Variants in EPHA3 observed in about 807,000 individuals in gnomAD.
EPHA3 encodes ephrin type-A receptor 3.
Under a neutral mutation model 107.1 loss-of-function variants are expected in EPHA3, and 42 were observed. The ratio of observed to expected loss-of-function variants is 0.39; its 90% CI spans 0.31 to 0.51. The LOEUF (loss-of-function observed/expected upper bound fraction) is 0.51. EPHA3 is among the 20% of genes least tolerant of loss of function. The pLI, the probability that EPHA3 is intolerant of heterozygous loss-of-function variation, is 0.78. For synonymous variants in EPHA3, 461 were observed against 424.8 expected (o/e 1.09, Z -1.05); for missense variants, 1,183 against 1,211.2 (o/e 0.98, Z 0.35).
intron 3 of EPHA3, among the ~76,000 whole-genome samples, chr3:89,220,436 C>T (rs1446901488): frequency 2.0e-5 from 3 of 152,036 alleles, no homozygotes; most frequent in Non-Finnish European, 4.4e-5. Context: ...AGAAAGATTT[C>T]AGGAATAGTG....
intron 5 of EPHA3, among the ~76,000 whole-genome samples, chr3:89,368,164 G>C (rs1708220143): frequency 6.6e-6 from 1 of 150,458 alleles, no homozygotes; most frequent in Non-Finnish European, 1.5e-5. Flanking sequence ...TAAAGTGTGT[G>C]CTGTTGGTAG....
chr3:89,376,354 T>C (rs1360627706), intron 5 of EPHA3, among the ~76,000 whole-genome samples: 5 of 151,424 alleles, frequency 3.3e-5, no homozygotes, highest in East Asian at 3.9e-4. Context: ...TATATATATA[T>C]ACACACAACT....
chr3:89,434,458 T>A (rs1288939333), intron 13 of EPHA3, among the ~76,000 whole-genome samples: 1 of 152,182 alleles, frequency 6.6e-6, no homozygotes, highest in Non-Finnish European at 1.5e-5. Flanking sequence ...TCTCAGGTGA[T>A]CCACCTGCCT....
intron 15 of EPHA3, among the ~76,000 whole-genome samples, chr3:89,468,416 A>G (rs771037902): frequency 2.2e-4 from 33 of 152,200 alleles, no homozygotes; most frequent in Non-Finnish European, 4.0e-4. Context: ...GTGTAAAAGT[A>G]CAAACTATTC....
At chr3:89,319,251 G>A (rs938205367) in intron 3 of EPHA3, among the ~76,000 whole-genome samples, 7 of 151,870 alleles carry the variant, frequency 4.6e-5, no homozygotes, top group Non-Finnish European at 8.8e-5. Context: ...AGAGAAGTAG[G>A]AGCAGAGACT....
chr3:89,107,702 A>T lies in EPHA3; in HGVS notation c.-47A>T. 4 of 1,549,186 alleles carry T rather than the reference A, an allele frequency of 2.6e-6. No individual in the cohort carries two copies. The highest frequency in any genetic ancestry group is 1.7e-4 in the Middle Eastern group (1 of 5,950). On this transcript the variant is annotated 5_prime_UTR_variant, in exon 1 of 17. An upstream start codon of the reference 5' UTR is lost. Transcript: ENST00000336596. Reference sequence around the variant, plus strand: ...GAGCGCTCCCCCTCACATCAGTGGCATGCTTCATGGAGATATGCTCCTCTC... The same window carrying T: ...GAGCGCTCCCCCTCACATCAGTGGCTTGCTTCATGGAGATATGCTCCTCTC...
In EPHA3 at chr3:89,449,369, C is replaced by G. The variant is rs749114470; in HGVS notation, c.2491C>G (p.Gln831Glu). 4.4e-6 allele frequency: 7 copies of G among 1,587,740 alleles called. No homozygotes were observed. The South Asian group carries it at 8.0e-5, about 18-fold the overall frequency. Residue 831 changes from glutamine (Q) to glutamate (E), a missense_variant, in exon 14 of 17, where the codon CAG becomes GAG. Coordinates refer to ENST00000336596, the MANE Select transcript of EPHA3 (RefSeq NM_005233.6). ...GAGACCATACTGGGAGATGTCCAAT[C>G]AGGATGTAAGTATTTGTGGTCTATG... is the stretch of plus-strand genomic sequence containing the variant. Reference protein sequence around the residue: ...GERPYWEMSNQDVIKAVDEGY... With the variant: ...GERPYWEMSNEDVIKAVDEGY...
intron 6 of EPHA3, among the ~76,000 whole-genome samples, chr3:89,397,580 C>CT (rs35334618): frequency 0.016 from 2,122 of 131,050 alleles, 30 homozygotes; most frequent in African/African-American, 0.027. Flanking sequence ...GCATCATTGC[C>CT]TTTTTTTTTT....
chr3:89,417,908 A>C (rs1485928966), intron 10 of EPHA3, among the ~76,000 whole-genome samples: 1 of 151,464 alleles, frequency 6.6e-6, no homozygotes, highest in Non-Finnish European at 1.5e-5. Context: ...TGCTTTGAAA[A>C]CAGGGCAAGA....
At chr3:89,320,008 AT>A (rs1707006063) in intron 3 of EPHA3, among the ~76,000 whole-genome samples, 1 of 151,966 alleles carries the variant, frequency 6.6e-6, no homozygotes, top group African/African-American at 2.4e-5. Flanking sequence ...ACAAGTATGT[AT>A]TTAAGCATGA....
chr3:89,280,683 C>G (rs1283066657), intron 3 of EPHA3, among the ~76,000 whole-genome samples: 1 of 152,080 alleles, frequency 6.6e-6, no homozygotes, highest in Non-Finnish European at 1.5e-5. Context: ...ATGTACACAT[C>G]CATAAAATAT....
intron 2 of EPHA3, among the ~76,000 whole-genome samples, chr3:89,176,972 A>G (rs972970915): frequency 6.6e-6 from 1 of 152,056 alleles, no homozygotes. Flanking sequence ...CACATACAGG[A>G]CACATATCTC....
rs536154660 is a variant in EPHA3 at position 89,444,681 on chromosome 3, C to T, written c.2347-4544C>T. Reference sequence around the variant, plus strand: ...TGAATGCTCTATTAAGGAGCAGACACTTTTTAAATGGCTTTATATATATTA... The same window carrying T: ...TGAATGCTCTATTAAGGAGCAGACATTTTTTAAATGGCTTTATATATATTA... On this transcript the variant is annotated intron_variant, in intron 13 of 16. Coordinates refer to ENST00000336596, the MANE Select transcript of EPHA3 (RefSeq NM_005233.6). 7.9e-5 allele frequency among the ~76,000 whole-genome samples: 12 copies of T among 152,042 alleles called. No homozygotes were observed. The South Asian group carries it at 2.3e-3, about 29-fold the overall frequency.
chr3:89,172,349 A>C (rs1286568115), intron 2 of EPHA3, among the ~76,000 whole-genome samples: 2 of 152,106 alleles, frequency 1.3e-5, no homozygotes, highest in East Asian at 3.9e-4. Flanking sequence ...AGCTGGGAAG[A>C]GGGCTGTTTG....
intron 10 of EPHA3, among the ~76,000 whole-genome samples, chr3:89,414,771 T>C (rs1166249477): frequency 6.6e-6 from 1 of 151,634 alleles, no homozygotes; most frequent in Non-Finnish European, 1.5e-5. Flanking sequence ...GACTCAGATA[T>C]ACAGAACATA....
intron 16 of EPHA3, 120 bp from the exon 17 acceptor site, chr3:89,479,277 T>A (rs1417096451): frequency 6.6e-6 from 5 of 752,544 alleles, no homozygotes; most frequent in Non-Finnish European, 9.1e-6. Context: ...ATGATGCAAA[T>A]ATCAGACAAT....
rs562316247 is a variant in EPHA3 at position 89,405,296 on chromosome 3, C to G, written c.1595-1973C>G. Reference sequence around the variant, plus strand: ...TGCATTGGGCAGGGATGGCCAGGCTCCAGTAACCCTTTGCCAGTACTGTTA... The same window carrying G: ...TGCATTGGGCAGGGATGGCCAGGCTGCAGTAACCCTTTGCCAGTACTGTTA... On this transcript the variant is annotated intron_variant, in intron 7 of 16. Coordinates refer to ENST00000336596, the MANE Select transcript of EPHA3 (RefSeq NM_005233.6). Among the ~76,000 whole-genome samples, 277 of 152,178 alleles carry G rather than the reference C, an allele frequency of 1.8e-3. 1 individual carries two copies. Among genetic ancestry groups the G allele is most frequent in the South Asian group, 8.3e-3 (40 of 4,816 alleles).
intron 3 of EPHA3, among the ~76,000 whole-genome samples, chr3:89,255,013 A>G (rs1705248529): frequency 6.6e-6 from 1 of 152,220 alleles, no homozygotes; most frequent in South Asian, 2.1e-4. Flanking sequence ...AGATTCAAAC[A>G]ATTAATTCAT....
intron 3 of EPHA3, among the ~76,000 whole-genome samples, chr3:89,307,873 G>C (rs1281294381): frequency 6.6e-6 from 1 of 152,074 alleles, no homozygotes; most frequent in Non-Finnish European, 1.5e-5. Flanking sequence ...CTTTTGGATT[G>C]TTTACCTTTT....
Sources: gnomAD v4.1 joint callset for allele counts (sites outside exome capture counted in the v4.1 genomes callset) on GRCh38, gnomAD v4.1.1 for gene constraint, MANE v1.5 for transcripts, NCBI Gene and HGNC (gene_info 2026-07-23, HGNC 2026-07-21) for gene names.